The following PFKFB2 variants were observed in gnomAD, a reference collection of about 807,000 sequenced individuals.
The protein encoded by PFKFB2 is 6-phosphofructo-2-kinase/fructose-2,6-biphosphatase 2, also known as 6-phosphofructo-2-kinase/fructose-2,6-bisphosphatase 2.
Under a neutral mutation model 68.0 loss-of-function variants are expected in PFKFB2, and 53 were observed. The ratio of observed to expected loss-of-function variants is 0.78; its 90% confidence interval spans 0.63 to 0.98. PFKFB2 has a LOEUF of 0.98. Among genes scored for constraint, PFKFB2 ranks in the 50% least tolerant of loss-of-function variants. PFKFB2 has a pLI of 0.00. For missense variants in PFKFB2, 451 were observed against 642.0 expected, an observed-to-expected ratio of 0.70 and a Z score of 3.22; for synonymous variants, 222 against 227.6, an observed-to-expected ratio of 0.98 and a Z score of 0.22.
intron 12 of PFKFB2, 81 bp from the exon 13 acceptor site, chr1:207,071,107 T>C: frequency 9.1e-7 from 1 of 1,103,556 alleles, no homozygotes; most frequent in South Asian, 1.3e-5. Context: ...CATTATGAGC[T>C]CTGTAGATTC....
intron 2 of PFKFB2, among the ~76,000 whole-genome samples, chr1:207,061,165 TTATATATATATATA>T (rs201702529): frequency 0.089 from 3,994 of 45,128 alleles, 249 homozygotes; most frequent in Non-Finnish European, 0.11. Flanking sequence ...ATATATATCT[TTATATATATATATA>T]TATATATATA....
chr1:207,046,310 CA>C (rs1682600783), intron 2 of PFKFB2: 1 of 151,972 alleles, frequency 6.6e-6, no homozygotes, highest in African/African-American at 2.4e-5. Context: ...CATAGATTTT[CA>C]AAATTCCCAA....
At chr1:207,055,720 A>G (rs1040043347) in intron 2 of PFKFB2, among the ~76,000 whole-genome samples, 3 of 152,118 alleles carry the variant, frequency 2.0e-5, no homozygotes, top group African/African-American at 7.2e-5. Flanking sequence ...GACCAGCATG[A>G]GACCAGGAAT....
At chr1:207,035,187 A>G in intron 1 of PFKFB2, 1 of 985,534 alleles carries the variant, frequency 1.0e-6, no homozygotes, top group Non-Finnish European at 1.2e-6. Context: ...CTCCTTCTCC[A>G]TTCTTGCATG....
intron 2 of PFKFB2, among the ~76,000 whole-genome samples, chr1:207,057,113 C>T (rs926319274): frequency 1.3e-5 from 2 of 151,864 alleles, no homozygotes; most frequent in African/African-American, 4.8e-5. Context: ...GGCCGAGGTG[C>T]CTTTACGGTG....
At chr1:207,071,134 G>T in intron 12 of PFKFB2, 54 bp from the exon 13 acceptor site, 2 of 1,380,354 alleles carry the variant, frequency 1.4e-6, no homozygotes, top group South Asian at 2.3e-5. Flanking sequence ...CCACTAACTT[G>T]ACCTTACTCC....
At chr1:207,041,148 C>T (rs564125877) in intron 1 of PFKFB2, among the ~76,000 whole-genome samples, 3 of 151,804 alleles carry the variant, frequency 2.0e-5, no homozygotes, top group Middle Eastern at 3.4e-3. Flanking sequence ...AGGATGGTCT[C>T]GATCTCCTGA....
intron 1 of PFKFB2, among the ~76,000 whole-genome samples, chr1:207,041,802 C>T (rs534325896): frequency 3.9e-5 from 6 of 152,270 alleles, no homozygotes; most frequent in East Asian, 1.9e-4. Flanking sequence ...CTTGAGGAAT[C>T]GCCACACTGT....
At position 207,073,854 on chromosome 1, in the gene PFKFB2, T is replaced by C; in HGVS notation, c.*1483T>C. 7.1e-6 allele frequency: 7 copies of C among 985,386 alleles called. No homozygotes were observed. Among genetic ancestry groups the C allele is most frequent in the Non-Finnish European group, 8.4e-6 (7 of 829,892 alleles). The allele number at this position is 985,386 out of a possible 1,614,324, so 61.0% of individuals were successfully genotyped here. A position where few individuals can be genotyped will look rare whatever the true frequency, so the allele number is the denominator to read the frequency against. ...TGTATGTTTTTCTGAGAGGCAAGTTTAGGGTTCTCATGGGATTTTAAAAAG... is the reference window on the plus strand; with the variant it reads ...TGTATGTTTTTCTGAGAGGCAAGTTCAGGGTTCTCATGGGATTTTAAAAAG... On this transcript the variant is annotated 3_prime_UTR_variant, in exon 15 of 15. Transcript: ENST00000367080.
chr1:207,056,239 T>A (rs1010499074), intron 2 of PFKFB2, among the ~76,000 whole-genome samples: 3 of 152,112 alleles, frequency 2.0e-5, no homozygotes, highest in Non-Finnish European at 4.4e-5. Flanking sequence ...TATTTATTCC[T>A]GAAATGTTTA....
At chr1:207,044,235 GT>G (rs941859062) in intron 2 of PFKFB2, 2 of 152,464 alleles carry the variant, frequency 1.3e-5, no homozygotes, top group African/African-American at 4.8e-5. Flanking sequence ...TAGGAATATT[GT>G]TGTTCTCTAA....
intron 2 of PFKFB2, among the ~76,000 whole-genome samples, chr1:207,058,915 G>T (rs1683005826): frequency 6.6e-6 from 1 of 152,234 alleles, no homozygotes; most frequent in African/African-American, 2.4e-5. Context: ...GTTTTCCATT[G>T]TCTATCAAGA....
intron 1 of PFKFB2, among the ~76,000 whole-genome samples, chr1:207,035,554 G>A (rs1682359136): frequency 1.3e-5 from 2 of 152,140 alleles, no homozygotes; most frequent in South Asian, 4.1e-4. Context: ...CTCGTGGGGT[G>A]AGGCGAAAGG....
rs964820468 is a variant in PFKFB2, at chr1:207,076,040, C to T, written c.*3669C>T. 15 of 985,136 alleles carry T rather than the reference C, an allele frequency of 1.5e-5. No homozygotes were observed. Among genetic ancestry groups the T allele is most frequent in the Admixed American group, 1.2e-4 (2 of 16,254 alleles). 61.0% of individuals were successfully genotyped at this position (985,136 alleles called of 1,614,324 possible). ...CCCTATATCTTTGCCTCTGGTGTTT[C>T]GTTGTTGTTGTTATTGTTTGTTTGT... On this transcript the variant is annotated 3_prime_UTR_variant, in exon 15 of 15. Transcript: ENST00000367080.
intron 8 of PFKFB2, among the ~76,000 whole-genome samples, chr1:207,066,302 G>T (rs1256418396): frequency 6.6e-6 from 1 of 152,222 alleles, no homozygotes; most frequent in African/African-American, 2.4e-5. Flanking sequence ...GAAAGAGCAT[G>T]CATTCAGGGC....
intron 13 of PFKFB2, 76 bp downstream of exon 13, chr1:207,071,326 T>C (rs746501666): frequency 1.4e-4 from 186 of 1,299,646 alleles, no homozygotes; most frequent in Non-Finnish European, 1.9e-4. Context: ...TTGTCTAGAG[T>C]TCAGCTTCAT....
upstream of PFKFB2, chr1:207,050,589 C>T: frequency 6.5e-7 from 1 of 1,528,938 alleles, no homozygotes; most frequent in Non-Finnish European, 8.9e-7. Flanking sequence ...AGCCCCCCCG[C>T]CGACTCACAG....
rs994896669 is a variant in PFKFB2, at chr1:207,067,709, G to A, written c.840+3G>A. The A allele has an allele frequency of 2.5e-6, 4 of 1,609,922 alleles. No individual in the cohort carries two copies. The highest frequency in any genetic ancestry group is 3.4e-6 in the Non-Finnish European group (4 of 1,176,724). On this transcript the variant is annotated splice_donor_region_variant and intron_variant, in intron 9 of 14. Coordinates refer to ENST00000367080, the MANE Select transcript of PFKFB2 (RefSeq NM_006212.2). ...GCCTCTCGGTGCGGGGAAAGCAGGT[G>A]AGTAATTATTCAGCACACTGGATTT...
upstream of PFKFB2, chr1:207,049,219 A>C: frequency 6.2e-7 from 1 of 1,614,180 alleles, no homozygotes; most frequent in Non-Finnish European, 8.5e-7. Context: ...GAAAATGGTC[A>C]GAGGAGGTGT....
Sources: gnomAD v4.1 joint callset for allele counts (sites outside exome capture counted in the v4.1 genomes callset) on GRCh38, gnomAD v4.1.1 for gene constraint, MANE v1.5 for transcripts, NCBI Gene and HGNC (gene_info 2026-07-23, HGNC 2026-07-21) for gene names.